The following ARHGEF28 variants were observed in gnomAD, a reference collection of about 807,000 sequenced individuals.
ARHGEF28 encodes the protein 190 kDa guanine nucleotide exchange factor.
Under a neutral mutation model 206.6 loss-of-function variants are expected in ARHGEF28, and 152 were observed. The ratio of observed to expected loss-of-function variants is 0.74; its 90% CI spans 0.64 to 0.84. The LOEUF is 0.84. ARHGEF28 is among the 40% of genes least tolerant of loss of function. The probability of loss-of-function intolerance (pLI) is 0.00; values close to 1 mark genes in which losing one functional copy is unlikely to be tolerated. For missense variants in ARHGEF28, 2,028 were observed against 2,073.2 expected (o/e 0.98, Z 0.42); for synonymous variants, 763 against 776.4 (o/e 0.98, Z 0.29).
chr5:73,669,333 G>T (rs1354565095), intron 1 of ARHGEF28, among the ~76,000 whole-genome samples: 1 of 152,124 alleles, frequency 6.6e-6, no homozygotes, highest in Non-Finnish European at 1.5e-5. Flanking sequence ...ACTAATAGGA[G>T]GCATACATTC....
At chr5:73,806,753 G>GCT (rs1755519669) in intron 9 of ARHGEF28, among the ~76,000 whole-genome samples, 1 of 126,500 alleles carries the variant, frequency 7.9e-6, no homozygotes, top group African/African-American at 3.1e-5. Context: ...CCATATATAC[G>GCT]ATATATCGTA....
chr5:73,801,997 C>T (rs568717021), intron 9 of ARHGEF28, among the ~76,000 whole-genome samples: 29 of 152,306 alleles, frequency 1.9e-4, no homozygotes, highest in African/African-American at 5.8e-4. Flanking sequence ...TCACCCCTAA[C>T]GTACTAGGTT....
chr5:73,720,594 A>G (rs555452464), intron 2 of ARHGEF28, among the ~76,000 whole-genome samples: 2 of 152,252 alleles, frequency 1.3e-5, no homozygotes, highest in African/African-American at 4.8e-5. Flanking sequence ...GGGATGGTAA[A>G]ATTCGACAAG....
chr5:73,846,480 T>A lies in ARHGEF28; in HGVS notation c.1635+5T>A. 6.2e-7 allele frequency: 1 copy of A among 1,611,350 alleles called. No individual in the cohort carries two copies. Among genetic ancestry groups the A allele is most frequent in the Non-Finnish European group, 8.5e-7 (1 of 1,177,556 alleles). ...TCAAGTAATCTACAGTCGAAGGTAT[T>A]CTTATTGCTATTAATTTGGTATATT... On this transcript the variant is annotated splice_donor_5th_base_variant and intron_variant, in intron 12 of 35. Coordinates refer to ENST00000513042, the MANE Select transcript of ARHGEF28 (RefSeq NM_001177693.2).
At chr5:73,825,351 C>A (rs527996136) in intron 9 of ARHGEF28, among the ~76,000 whole-genome samples, 9 of 152,210 alleles carry the variant, frequency 5.9e-5, no homozygotes, top group Admixed American at 2.0e-4. Flanking sequence ...GGGGAAGAGC[C>A]CTGCTGGAAG....
At chr5:73,739,159 G>T (rs1163871346) in intron 2 of ARHGEF28, among the ~76,000 whole-genome samples, 1 of 152,016 alleles carries the variant, frequency 6.6e-6, no homozygotes, top group Non-Finnish European at 1.5e-5. Context: ...GTATTATGAG[G>T]AACATTAATA....
At chr5:73,748,690 C>T (rs1751868739) in intron 2 of ARHGEF28, among the ~76,000 whole-genome samples, 1 of 152,124 alleles carries the variant, frequency 6.6e-6, no homozygotes, top group Non-Finnish European at 1.5e-5. Flanking sequence ...CACAAAAGCC[C>T]AGATGCTTCT....
At chr5:73,780,362 G>A (rs1274735266) in intron 6 of ARHGEF28, 5 of 301,272 alleles carry the variant, frequency 1.7e-5, no homozygotes, top group Non-Finnish European at 3.2e-5. Flanking sequence ...CTTCTTTCTG[G>A]CGTCAAGATT....
At chr5:73,685,394 AC>A (rs1037642887) in intron 2 of ARHGEF28, among the ~76,000 whole-genome samples, 15 of 152,144 alleles carry the variant, frequency 9.9e-5, no homozygotes, top group African/African-American at 3.6e-4. Context: ...CATTCTGAGA[AC>A]AACTCCTGGG....
At chr5:73,762,455 C>CAAAAAAAAAAA (rs35028103) in intron 4 of ARHGEF28, among the ~76,000 whole-genome samples, 7 of 66,824 alleles carry the variant, frequency 1.0e-4, no homozygotes, top group East Asian at 6.1e-4. Flanking sequence ...GACTCCCTCT[C>CAAAAAAAAAAA]AAAAAAAAAA....
intron 29 of ARHGEF28, among the ~76,000 whole-genome samples, chr5:73,897,383 T>A (rs1024516113): frequency 1.3e-5 from 2 of 152,220 alleles, no homozygotes; most frequent in African/African-American, 4.8e-5. Context: ...AGGTGCTTAT[T>A]TAAAATACAG....
chr5:73,885,827 G>A (rs895206887), intron 24 of ARHGEF28, 23 bp from the exon 25 acceptor site: 1 of 1,587,750 alleles, frequency 6.3e-7, no homozygotes, highest in Non-Finnish European at 8.5e-7. Flanking sequence ...ATTTTTGTTT[G>A]TTTGTTTCTT....
chr5:73,895,790 C>G (rs113011000), intron 29 of ARHGEF28, among the ~76,000 whole-genome samples: 1 of 152,204 alleles, frequency 6.6e-6, no homozygotes, highest in Admixed American at 6.5e-5. Context: ...GTTTAGTCCA[C>G]AAAACCTAAA....
intron 9 of ARHGEF28, among the ~76,000 whole-genome samples, chr5:73,805,212 G>A (rs148644068): frequency 1.1e-3 from 173 of 151,992 alleles, no homozygotes; most frequent in Non-Finnish European, 2.1e-3. Flanking sequence ...TTTTAGGGTG[G>A]TAAAGGTGTT....
intron 33 of ARHGEF28, among the ~76,000 whole-genome samples, chr5:73,907,926 A>T (rs146759702): frequency 6.6e-6 from 1 of 152,180 alleles, no homozygotes; most frequent in Non-Finnish European, 1.5e-5. Flanking sequence ...TAGTTTTGAC[A>T]TATAAAGTAT....
chr5:73,688,509 A>G (rs919711757), intron 2 of ARHGEF28, among the ~76,000 whole-genome samples: 2 of 152,208 alleles, frequency 1.3e-5, no homozygotes, highest in Non-Finnish European at 2.9e-5. Flanking sequence ...TAAATTCCCC[A>G]TGCATTTTGC....
At position 73,846,323 on chromosome 5, in the gene ARHGEF28, T is replaced by TC. The variant is rs754593056; in HGVS notation, c.1486dup (p.His496ProfsTer18). ...TGAAGGGGAAGGGCATTCTGAGCCA[T>TC]CCCACATCTGTTACACTCCAGGGTC... On this transcript the variant is annotated frameshift_variant, in exon 12 of 36. Transcript: ENST00000513042. LOFTEE classifies it high-confidence loss of function. The TC allele has an allele frequency of 6.2e-7, 1 of 1,613,858 alleles. No homozygotes were observed. The highest frequency in any genetic ancestry group is 2.2e-5 in the East Asian group (1 of 44,870).
rs554358943 is a variant in ARHGEF28 at position 73,840,473 on chromosome 5, C to T, written c.1147-7C>T. On this transcript the variant is annotated splice_polypyrimidine_tract_variant and splice_region_variant and intron_variant, in intron 10 of 35. Transcript: ENST00000513042. ...TACTCAGGAAATGTTTTTCTTTCAA[C>T]TTCCAGGTTGGTGATTTGGATATCA... The T allele has an allele frequency of 1.2e-5, 20 of 1,608,886 alleles. No individual in the cohort carries two copies. In the South Asian group the frequency reaches 2.2e-4, roughly 18 times the overall value.
At chr5:73,669,686 CTTTA>C (rs56870788) in intron 1 of ARHGEF28, among the ~76,000 whole-genome samples, 116,096 of 150,934 alleles carry the variant, frequency 0.77, 45,007 homozygotes, top group African/African-American at 0.87. Flanking sequence ...CTAAGTTTTA[CTTTA>C]TTTATTTATT....
Sources: gnomAD v4.1 joint callset for allele counts (sites outside exome capture counted in the v4.1 genomes callset) on GRCh38, gnomAD v4.1.1 for gene constraint, MANE v1.5 for transcripts, NCBI Gene and HGNC (gene_info 2026-07-23, HGNC 2026-07-21) for gene names.